The following CNBD1 variants were observed in gnomAD, a reference collection of about 807,000 sequenced individuals.
CNBD1 encodes the protein cyclic nucleotide-binding domain-containing protein 1.
CNBD1 carries 71 observed loss-of-function variants against 54.4 expected under a neutral mutation model. The observed-to-expected ratio is 1.30, with a 90% CI of 1.08 to 1.59. CNBD1 has a LOEUF of 1.59. CNBD1 is among the 40% of genes most tolerant of loss of function. CNBD1 has a pLI of 0.00. For missense variants in CNBD1, 659 were observed against 518.0 expected (o/e 1.27, Z -2.64); for synonymous variants, 182 against 170.7 (o/e 1.07, Z -0.51).
chr8:87,241,546 AC>A (rs1172065737), intron 6 of CNBD1, among the ~76,000 whole-genome samples: 3 of 152,166 alleles, frequency 2.0e-5, no homozygotes, highest in African/African-American at 7.2e-5. Context: ...TGCTGGGATT[AC>A]AGGCGTGAGC....
At chr8:86,880,770 A>G (rs1586107683) in intron 1 of CNBD1, among the ~76,000 whole-genome samples, 1 of 152,276 alleles carries the variant, frequency 6.6e-6, no homozygotes, top group South Asian at 2.1e-4. Flanking sequence ...CAATGAAAAA[A>G]TCCTCAACAA....
chr8:86,995,817 A>C (rs1329404824), intron 4 of CNBD1, among the ~76,000 whole-genome samples: 3 of 152,078 alleles, frequency 2.0e-5, no homozygotes, highest in African/African-American at 7.2e-5. Context: ...ACTTAACTGA[A>C]AGGCAGATTC....
chr8:87,261,837 G>C (rs1206149640), intron 6 of CNBD1, among the ~76,000 whole-genome samples: 1 of 152,024 alleles, frequency 6.6e-6, no homozygotes, highest in Non-Finnish European at 1.5e-5. Flanking sequence ...ACCGTTTCTA[G>C]TAAGTTCCTT....
intron 6 of CNBD1, among the ~76,000 whole-genome samples, chr8:87,238,172 A>G (rs1329553280): frequency 6.6e-6 from 1 of 151,724 alleles, no homozygotes; most frequent in Non-Finnish European, 1.5e-5. Context: ...AATTTCTGGC[A>G]TTCCACCTGA....
intron 4 of CNBD1, among the ~76,000 whole-genome samples, chr8:87,106,502 C>T (rs902530735): frequency 2.0e-5 from 3 of 152,222 alleles, no homozygotes; most frequent in Admixed American, 1.3e-4. Context: ...TGAGCCACTG[C>T]ACTCAGACAA....
intron 4 of CNBD1, among the ~76,000 whole-genome samples, chr8:87,110,221 G>A (rs902139889): frequency 1.3e-5 from 2 of 152,154 alleles, no homozygotes; most frequent in African/African-American, 2.4e-5. Context: ...CAAATGGCAT[G>A]CACTTGCTTT....
intron 5 of CNBD1, among the ~76,000 whole-genome samples, chr8:87,222,621 T>C (rs1814364956): frequency 6.6e-6 from 1 of 152,198 alleles, no homozygotes; most frequent in Non-Finnish European, 1.5e-5. Context: ...CTTGAAACTT[T>C]TAAGTCCTTC....
intron 2 of CNBD1, among the ~76,000 whole-genome samples, chr8:87,426,089 C>T (rs571507334): frequency 9.8e-5 from 15 of 152,316 alleles, no homozygotes; most frequent in Middle Eastern, 3.4e-3. Context: ...CTCCAGGTGC[C>T]GTCCATCACC....
chr8:87,050,622 C>A (rs370694541), intron 4 of CNBD1, among the ~76,000 whole-genome samples: 17 of 152,170 alleles, frequency 1.1e-4, no homozygotes, highest in Non-Finnish European at 2.5e-4. Context: ...CAGGGTGCAA[C>A]TAAATGTAGA....
chr8:86,870,189 C>T (rs373438873), intron 1 of CNBD1, among the ~76,000 whole-genome samples: 29 of 100,584 alleles, frequency 2.9e-4, no homozygotes, highest in African/African-American at 7.6e-4. Context: ...AGATAGTACT[C>T]TTTTTTTTTT....
chr8:87,148,152 C>A (rs1812528332), intron 4 of CNBD1, among the ~76,000 whole-genome samples: 1 of 152,084 alleles, frequency 6.6e-6, no homozygotes. Context: ...CTGAATGGTG[C>A]TTTTACAAAT....
At chr8:87,116,164 A>C (rs1398647360) in intron 4 of CNBD1, among the ~76,000 whole-genome samples, 1 of 115,724 alleles carries the variant, frequency 8.6e-6, no homozygotes, top group African/African-American at 3.2e-5. Flanking sequence ...GTCTGTCTAT[A>C]TTCCTTTGCT....
downstream of CNBD1, among the ~76,000 whole-genome samples, chr8:87,384,570 T>C (rs569251364): frequency 7.2e-5 from 11 of 152,270 alleles, no homozygotes; most frequent in African/African-American, 2.2e-4. Context: ...AAAATTAAAC[T>C]GCATAAAGTC....
At chr8:87,365,265 T>C (rs759748645) in intron 10 of CNBD1, among the ~76,000 whole-genome samples, 2 of 152,086 alleles carry the variant, frequency 1.3e-5, no homozygotes, top group East Asian at 1.9e-4. Flanking sequence ...ATTAGTGATA[T>C]TGTGCTTTTT....
At chr8:87,079,890 C>T (rs1810951077) in intron 4 of CNBD1, among the ~76,000 whole-genome samples, 4 of 152,088 alleles carry the variant, frequency 2.6e-5, no homozygotes, top group Admixed American at 2.6e-4. Flanking sequence ...TTAAGAAATA[C>T]TTGGCTAACA....
chr8:87,358,570 A>AAT (rs1219979774), intron 10 of CNBD1, among the ~76,000 whole-genome samples: 21 of 152,098 alleles, frequency 1.4e-4, no homozygotes, highest in Non-Finnish European at 2.9e-4. Context: ...TTCTTCAAAA[A>AAT]AAACAGAACC....
intron 10 of CNBD1, among the ~76,000 whole-genome samples, chr8:87,367,238 A>G (rs1177346169): frequency 3.3e-5 from 5 of 152,046 alleles, no homozygotes; most frequent in African/African-American, 4.8e-5. Context: ...CTTGTTTGTC[A>G]ACTGTCAACT....
intron 8 of CNBD1, among the ~76,000 whole-genome samples, chr8:87,312,766 T>A (rs1157607530): frequency 6.6e-6 from 1 of 152,020 alleles, no homozygotes; most frequent in Admixed American, 6.6e-5. Context: ...GCTAGGAATA[T>A]TCCATAAAAA....
At chr8:87,136,028 A>C (rs893119862) in intron 4 of CNBD1, among the ~76,000 whole-genome samples, 1 of 152,102 alleles carries the variant, frequency 6.6e-6, no homozygotes, top group South Asian at 2.1e-4. Context: ...ATAGGCTGTT[A>C]GCTTCCAACG....
Sources: allele counts gnomAD v4.1 joint callset (sites outside exome capture counted in the v4.1 genomes callset), GRCh38; gene constraint gnomAD v4.1.1; transcripts MANE v1.5; gene names NCBI Gene and HGNC (gene_info 2026-07-23, HGNC 2026-07-21).